TRAPPC8: variants seen among roughly 807,000 people sequenced by gnomAD.
TRAPPC8 encodes trafficking protein particle complex subunit 8, also known as general sporulation gene 1 homolog.
Under a neutral mutation model 174.3 loss-of-function variants are expected in TRAPPC8, and 54 were observed. That is an observed-to-expected ratio of 0.31 (90% CI 0.25 to 0.39). The LOEUF (loss-of-function observed/expected upper bound fraction) is 0.39, where lower values mean the gene tolerates loss of function less well. TRAPPC8 is among the 10% of genes least tolerant of loss of function. TRAPPC8 has a pLI of 1.00. For missense variants in TRAPPC8, 1,531 were observed against 1,699.1 expected (o/e 0.90, Z 1.74); for synonymous variants, 630 against 579.9 (o/e 1.09, Z -1.24).
At position 31,931,473 on chromosome 18, in the gene TRAPPC8, T is replaced by A; in HGVS notation, c.208A>T (p.Ile70Leu). 6.2e-7 allele frequency: 1 copy of A among 1,607,794 alleles called. No homozygotes were observed. The highest frequency in any genetic ancestry group is 8.5e-7 in the Non-Finnish European group (1 of 1,177,872). ...TGGGTGACAATGTTGCTTACTGCTA[T>A]CTTCAAATTTTTAATTACGTGAAGT... ...NQLHVIKNLK[I>L]AVSNIVTQPP... The change falls in exon 2 of 29, where the codon ATA (isoleucine) becomes TTA (leucine). Residue 70 changes from isoleucine to leucine, a missense_variant. Physicochemically the swap from Ile to Leu is conservative, Grantham distance 5. Transcript: ENST00000283351.
chr18:31,861,171 T>C (rs1261147608), intron 19 of TRAPPC8, among the ~76,000 whole-genome samples: 1 of 152,164 alleles, frequency 6.6e-6, no homozygotes, highest in Non-Finnish European at 1.5e-5. Context: ...ATGTTTTAAA[T>C]TAAGGTAAAA....
chr18:31,908,997 A>G lies in TRAPPC8; in HGVS notation c.879T>C (p.Asn293=). ...ACTGAAGTGGGTGAGCTCTAAAGTT[A>G]TTTGGTAAGCCATCTACTGAAAAAG... ...LDNEVKDGLP[N]NFRAHPLQLE... is the part of the protein sequence containing the mutation. The change falls in exon 7 of 29, where the codon AAT becomes AAC. Residue 293 remains asparagine (N), a synonymous_variant. Transcript: ENST00000283351. 3 of 1,606,634 alleles carry G rather than the reference A, an allele frequency of 1.9e-6. No homozygotes were observed. Among genetic ancestry groups the G allele is most frequent in the East Asian group, 2.2e-5 (1 of 44,718 alleles).
chr18:31,911,867 G>T (rs528301651), intron 5 of TRAPPC8, among the ~76,000 whole-genome samples: 1 of 125,772 alleles, frequency 8.0e-6, no homozygotes, highest in African/African-American at 3.2e-5. Flanking sequence ...GCGAGATCCT[G>T]TCTCAAAAAA....
At chr18:31,913,593 T>C (rs1598730234) in intron 4 of TRAPPC8, 71 bp from the exon 5 acceptor site, 4 of 1,188,428 alleles carry the variant, frequency 3.4e-6, no homozygotes, top group African/African-American at 3.2e-5. Flanking sequence ...GAGACTAAAG[T>C]AGTACAAAAA....
intron 2 of TRAPPC8, among the ~76,000 whole-genome samples, chr18:31,928,408 C>T (rs533103344): frequency 1.3e-5 from 2 of 151,712 alleles, no homozygotes; most frequent in African/African-American, 4.8e-5. Context: ...TATAGTCCCA[C>T]CTACTCAGGA....
intron 28 of TRAPPC8, among the ~76,000 whole-genome samples, 193 bp downstream of exon 28, chr18:31,831,891 T>C (rs1472397943): frequency 6.6e-6 from 1 of 152,142 alleles, no homozygotes; most frequent in African/African-American, 2.4e-5. Context: ...TTAAGTACTA[T>C]TTTATAATCA....
At chr18:31,913,052 T>A (rs2036985750) in intron 5 of TRAPPC8, among the ~76,000 whole-genome samples, 1 of 150,890 alleles carries the variant, frequency 6.6e-6, no homozygotes, top group African/African-American at 2.4e-5. Flanking sequence ...CACTTAAACC[T>A]GAGAGGCGGA....
chr18:31,874,795 G>T, intron 12 of TRAPPC8, 91 bp from the exon 13 acceptor site: 1 of 1,056,700 alleles, frequency 9.5e-7, no homozygotes, highest in Non-Finnish European at 1.4e-6. Context: ...AAACAATTAA[G>T]TAACTGGTTC....
intron 4 of TRAPPC8, 73 bp downstream of exon 4, chr18:31,916,199 G>T: frequency 8.9e-7 from 1 of 1,124,066 alleles, no homozygotes. Context: ...AATCCAAAAC[G>T]TAAACAAGCT....
In TRAPPC8 at chr18:31,897,802, A is replaced by T; in HGVS notation, c.1580T>A (p.Ile527Lys). The change falls in exon 11 of 29, where the codon ATA becomes AAA. Residue 527 changes from isoleucine to lysine, a missense_variant. Ile to Lys is a moderately radical substitution (Grantham distance 102). Coordinates refer to ENST00000283351, the MANE Select transcript of TRAPPC8 (RefSeq NM_014939.5). Reference protein sequence around the residue: ...SKYSEAAALLIRLTSEDSDLR... With the variant: ...SKYSEAAALLKRLTSEDSDLR... Reference sequence around the variant, plus strand: ...TTTCAGTACCTCACTGGTCAACCGTATTAGGAGAGCTGCAGCCTCTGAATA... The same window carrying T: ...TTTCAGTACCTCACTGGTCAACCGTTTTAGGAGAGCTGCAGCCTCTGAATA... 6.2e-7 allele frequency: 1 copy of T among 1,609,978 alleles called. No homozygotes were observed. Among genetic ancestry groups the T allele is most frequent in the Non-Finnish European group, 8.5e-7 (1 of 1,177,486 alleles).
chr18:31,926,057 G>A (rs111311196), intron 2 of TRAPPC8, among the ~76,000 whole-genome samples: 4,595 of 152,206 alleles, frequency 0.03, 251 homozygotes, highest in African/African-American at 0.1. Flanking sequence ...GACAGCTGTG[G>A]AGTGGGCCTC....
intron 9 of TRAPPC8, among the ~76,000 whole-genome samples, chr18:31,904,287 C>T (rs556683887): frequency 6.6e-6 from 1 of 151,744 alleles, no homozygotes. Flanking sequence ...AAATGGCTCA[C>T]GCCTGTAATC....
intron 4 of TRAPPC8, among the ~76,000 whole-genome samples, chr18:31,915,044 C>A (rs1404205926): frequency 6.6e-6 from 1 of 152,012 alleles, no homozygotes; most frequent in Non-Finnish European, 1.5e-5. Flanking sequence ...CAGAAAAGAA[C>A]AAAGAAAGAG....
rs1027059100 is a variant in TRAPPC8 at position 31,833,344 on chromosome 18, T to A, written c.3984-1171A>T. 2.0e-5 allele frequency: 3 copies of A among 152,280 alleles called. No homozygotes were observed. In the South Asian group the frequency reaches 6.2e-4, roughly 32 times the overall value. The allele number at this position is 152,280 out of a possible 1,614,324, so 9.4% of individuals were successfully genotyped here. On this transcript the variant is annotated intron_variant, in intron 27 of 28. Coordinates refer to ENST00000283351, the MANE Select transcript of TRAPPC8 (RefSeq NM_014939.5). ...GATATCTCCTGGTCCAAAGTGAAAC[T>A]CATCATCTTCATTCCAGTGAAGAGC...
intron 3 of TRAPPC8, 42 bp downstream of exon 3, chr18:31,917,536 C>G: frequency 6.5e-7 from 1 of 1,541,492 alleles, no homozygotes; most frequent in Non-Finnish European, 8.8e-7. Context: ...TAATAACTTC[C>G]ATAATATTTG....
intron 12 of TRAPPC8, among the ~76,000 whole-genome samples, chr18:31,882,436 C>A (rs2035501395): frequency 1.3e-5 from 2 of 151,884 alleles, no homozygotes; most frequent in African/African-American, 4.8e-5. Flanking sequence ...AAATAATAGA[C>A]ACTGGGCACA....
In TRAPPC8 at chr18:31,907,483, T is replaced by C. The variant is rs137968847; in HGVS notation, c.1366A>G (p.Met456Val). 474 of 1,604,338 alleles carry C rather than the reference T, an allele frequency of 3.0e-4. No homozygotes were observed. Among genetic ancestry groups the C allele is most frequent in the Non-Finnish European group, 3.7e-4 (434 of 1,174,168 alleles). ...AKKDFLNDQAMLYAAGALEMA... is the reference protein window; with the variant it reads ...AKKDFLNDQAVLYAAGALEMA... ...ACCAAGGCACCAGCTGCATAAAGCA[T>C]TGCTTGATCATTAAGAAAATCTTTC... The change falls in exon 9 of 29, where the codon ATG (methionine) becomes GTG (valine). Residue 456 changes from methionine to valine, a missense_variant. By Grantham distance (21) the Met-to-Val change is conservative (BLOSUM62 1). Transcript: ENST00000283351.
chr18:31,866,979 T>G lies in TRAPPC8; in HGVS notation c.2464-4A>C. 1 of 1,612,684 alleles carries G rather than the reference T, an allele frequency of 6.2e-7. No homozygotes were observed. Reference sequence around the variant, plus strand: ...GGGGAAAGAGCTTTAGTCTTGCCTGTGGAGATATTTAAGTCAGTCTTATTA... The same window carrying G: ...GGGGAAAGAGCTTTAGTCTTGCCTGGGGAGATATTTAAGTCAGTCTTATTA... On this transcript the variant is annotated splice_polypyrimidine_tract_variant and splice_region_variant and intron_variant, in intron 17 of 28. Coordinates refer to ENST00000283351, the MANE Select transcript of TRAPPC8 (RefSeq NM_014939.5).
chr18:31,913,659 G>A, intron 4 of TRAPPC8, 137 bp from the exon 5 acceptor site: 2 of 646,896 alleles, frequency 3.1e-6, no homozygotes, highest in South Asian at 3.1e-5. Context: ...ATATAAAAGA[G>A]GACATAAGAA....
Sources: allele counts gnomAD v4.1 joint callset (sites outside exome capture counted in the v4.1 genomes callset), GRCh38; gene constraint gnomAD v4.1.1; transcripts MANE v1.5; gene names NCBI Gene and HGNC (gene_info 2026-07-23, HGNC 2026-07-21).